The following MARCHF1 variants were observed in gnomAD, a reference collection of about 807,000 sequenced individuals.
MARCHF1 encodes the protein E3 ubiquitin-protein ligase MARCHF1.
A neutral mutation model predicts 54.2 loss-of-function variants in MARCHF1; 40 were observed. The ratio of observed to expected loss-of-function variants is 0.74; its 90% CI spans 0.57 to 0.96. The LOEUF (loss-of-function observed/expected upper bound fraction) is 0.96, where lower values mean the gene tolerates loss of function less well. MARCHF1 is among the 40% of genes least tolerant of loss of function. The pLI, the probability that MARCHF1 is intolerant of heterozygous loss-of-function variation, is 0.00. For missense variants in MARCHF1, 586 were observed against 656.5 expected (o/e 0.89, Z 1.17); for synonymous variants, 236 against 236.3 (o/e 1.00, Z 0.01).
At chr4:163,789,507 A>T (rs1426638100) in intron 4 of MARCHF1, among the ~76,000 whole-genome samples, 9 of 151,860 alleles carry the variant, frequency 5.9e-5, no homozygotes, top group African/African-American at 1.9e-4. Flanking sequence ...AAGTCTTTTT[A>T]AAAAAAAGAA....
At chr4:164,176,749 G>C (rs1730673384) in intron 1 of MARCHF1, among the ~76,000 whole-genome samples, 1 of 151,434 alleles carries the variant, frequency 6.6e-6, no homozygotes, top group South Asian at 2.1e-4. Flanking sequence ...TCCACTAGCA[G>C]GGGCTTTAAT....
chr4:163,722,530 T>C (rs144882261), intron 4 of MARCHF1, among the ~76,000 whole-genome samples: 3,781 of 152,338 alleles, frequency 0.025, 159 homozygotes, highest in African/African-American at 0.085. Context: ...GAGAGTTCTA[T>C]AGATGTCTAT....
chr4:164,076,356 A>G lies in MARCHF1; in HGVS notation c.-248+35232T>C, dbSNP rs139731137. 4.1e-3 allele frequency among the ~76,000 whole-genome samples: 621 copies of G among 152,324 alleles called. 3 individuals carry two copies. Among genetic ancestry groups the G allele is most frequent in the African/African-American group, 0.014 (595 of 41,570 alleles). ...AATTCAACAAACCTTCATGCTAAAAACTGTCAATAAACTAGGTATTGATGG... is the reference window on the plus strand; with the variant it reads ...AATTCAACAAACCTTCATGCTAAAAGCTGTCAATAAACTAGGTATTGATGG... On this transcript the variant is annotated intron_variant, in intron 2 of 9. Coordinates refer to ENST00000514618, the MANE Select transcript of MARCHF1 (RefSeq NM_001394959.1).
rs1326898710 is a variant in MARCHF1, at chr4:163,733,209, A to ACACATGTG, written c.112-32347_112-32346insCACATGTG. 5.6e-5 allele frequency among the ~76,000 whole-genome samples: 2 copies of ACACATGTG among 35,712 alleles called. 1 individual carries two copies. The highest frequency in any genetic ancestry group is 2.7e-3 in the South Asian group (2 of 752). The allele number at this position is 35,712 out of a possible 152,430, so 23.4% of individuals were successfully genotyped here. A position where few individuals can be genotyped will look rare whatever the true frequency, so the allele number is the denominator to read the frequency against. On this transcript the variant is annotated intron_variant, in intron 4 of 9. Transcript: ENST00000514618. ...TATATATATATATATATATATATAT[A>ACACATGTG]TATATATATATACACGTGTATATAT...
intron 8 of MARCHF1, among the ~76,000 whole-genome samples, chr4:163,557,512 G>C (rs949733259): frequency 2.6e-5 from 4 of 152,112 alleles, no homozygotes; most frequent in Non-Finnish European, 4.4e-5. Flanking sequence ...GATTCCTGAG[G>C]CCTTTATGCT....
chr4:163,750,240 G>T (rs1746481055), intron 4 of MARCHF1, among the ~76,000 whole-genome samples: 1 of 152,070 alleles, frequency 6.6e-6, no homozygotes, highest in South Asian at 2.1e-4. Context: ...GGCCAGGCGT[G>T]GTGGCTCATG....
intron 1 of MARCHF1, among the ~76,000 whole-genome samples, chr4:164,352,675 C>A (rs1221051091): frequency 6.7e-6 from 1 of 150,340 alleles, no homozygotes; most frequent in Non-Finnish European, 1.5e-5. Context: ...ATGTAAAGAC[C>A]ATCGAGGCTA....
chr4:164,062,654 A>G lies in MARCHF1; in HGVS notation c.-248+48934T>C, dbSNP rs936382818. Among the ~76,000 whole-genome samples, 8 of 152,032 alleles carry G rather than the reference A, an allele frequency of 5.3e-5. No individual in the cohort carries two copies. The East Asian group carries it at 1.2e-3, about 22-fold the overall frequency. On this transcript the variant is annotated intron_variant, in intron 2 of 9. Coordinates refer to ENST00000514618, the MANE Select transcript of MARCHF1 (RefSeq NM_001394959.1). ...ATTCTCCTGCCTCAGCCTCCTGGGT[A>G]GCTGGAACTACAGGCACCCGCCACC... is the stretch of plus-strand genomic sequence containing the variant.
intron 2 of MARCHF1, among the ~76,000 whole-genome samples, chr4:164,099,247 T>C (rs921917862): frequency 6.6e-6 from 1 of 152,212 alleles, no homozygotes; most frequent in African/African-American, 2.4e-5. Flanking sequence ...CAGATTGATA[T>C]TTATGTACAA....
chr4:164,284,324 G>GAGAGAGAGAC (rs530749249), intron 1 of MARCHF1, among the ~76,000 whole-genome samples: 1 of 128,644 alleles, frequency 7.8e-6, no homozygotes, highest in East Asian at 2.3e-4. Context: ...GAAAGTGAGA[G>GAGAGAGAGAC]AGAGAGAGAC....
chr4:163,614,619 CA>C (rs1338911727), intron 5 of MARCHF1, among the ~76,000 whole-genome samples: 2 of 152,066 alleles, frequency 1.3e-5, no homozygotes, highest in African/African-American at 4.8e-5. Context: ...AATTCTAACT[CA>C]AGAGATCAGG....
rs1731150408 is a variant in MARCHF1 at position 164,192,583 on chromosome 4, G to A, written c.-322-80921C>T. On this transcript the variant is annotated intron_variant, in intron 1 of 9. Transcript: ENST00000514618. ...CTCCTCTTGTCCAAATGTTTCAAGT[G>A]GCAAGTTACAAGTTATAATTTTGGA... is the stretch of plus-strand genomic sequence containing the variant. Among the ~76,000 whole-genome samples, 3 of 152,012 alleles carry A rather than the reference G, an allele frequency of 2.0e-5. No individual in the cohort carries two copies. In the South Asian group the frequency reaches 6.2e-4, roughly 32 times the overall value.
chr4:163,931,976 A>G (rs1181139190), intron 3 of MARCHF1, among the ~76,000 whole-genome samples: 1 of 152,212 alleles, frequency 6.6e-6, no homozygotes, highest in African/African-American at 2.4e-5. Context: ...TAATATTGCA[A>G]TAAAGTGAGT....
chr4:163,682,252 G>T (rs1744128634), intron 5 of MARCHF1, among the ~76,000 whole-genome samples: 1 of 152,186 alleles, frequency 6.6e-6, no homozygotes, highest in Non-Finnish European at 1.5e-5. Flanking sequence ...TATTCGAGAG[G>T]AAACAGAGCA....
chr4:163,930,142 G>A (rs1751639088), intron 3 of MARCHF1, among the ~76,000 whole-genome samples: 1 of 150,066 alleles, frequency 6.7e-6, no homozygotes, highest in Admixed American at 6.7e-5. Flanking sequence ...TTTAACATGG[G>A]GTATTTTTAA....
At chr4:164,109,608 CATATTCCAG>C (rs370276864) in intron 2 of MARCHF1, among the ~76,000 whole-genome samples, 116 of 151,842 alleles carry the variant, frequency 7.6e-4, no homozygotes, top group African/African-American at 2.6e-3. Context: ...ACCTTTCCCA[CATATTCCAG>C]ATTCTTCATT....
intron 5 of MARCHF1, among the ~76,000 whole-genome samples, chr4:163,695,564 G>A (rs1744602014): frequency 1.3e-5 from 2 of 152,172 alleles, no homozygotes; most frequent in African/African-American, 4.8e-5. Flanking sequence ...TCTAGTGAAT[G>A]TAATAGGAAA....
At chr4:164,160,297 A>G (rs1289068394) in intron 1 of MARCHF1, among the ~76,000 whole-genome samples, 3 of 152,148 alleles carry the variant, frequency 2.0e-5, no homozygotes. Flanking sequence ...GCTAAATGGT[A>G]TAGCCTATTC....
intron 3 of MARCHF1, among the ~76,000 whole-genome samples, chr4:163,961,123 T>A (rs945486541): frequency 6.6e-6 from 1 of 151,936 alleles, no homozygotes; most frequent in Non-Finnish European, 1.5e-5. Flanking sequence ...CCAAAGATAG[T>A]CACATTAGGG....
Sources: allele counts gnomAD v4.1 joint callset (sites outside exome capture counted in the v4.1 genomes callset), GRCh38; gene constraint gnomAD v4.1.1; transcripts MANE v1.5; gene names NCBI Gene and HGNC (gene_info 2026-07-23, HGNC 2026-07-21).